ZNF462: variants seen among roughly 807,000 people sequenced by gnomAD.
The protein encoded by ZNF462 is zinc finger PBX1-interacting protein.
In ZNF462, 10 loss-of-function variants were observed where a neutral mutation model predicts 201.9. That is an observed-to-expected ratio of 0.05 (90% CI 0.03 to 0.08). ZNF462 has a LOEUF of 0.08. Among genes scored for constraint, ZNF462 ranks in the 10% least tolerant of loss-of-function variants. ZNF462 has a pLI of 1.00. For synonymous variants in ZNF462, 1,227 were observed against 1,193.3 expected, an observed-to-expected ratio of 1.03 and a Z score of -0.58; for missense variants, 2,523 against 3,168.3, an observed-to-expected ratio of 0.80 and a Z score of 4.89.
At chr9:106,982,381 C>T (rs1361734340) in intron 9 of ZNF462, among the ~76,000 whole-genome samples, 1 of 152,126 alleles carries the variant, frequency 6.6e-6, no homozygotes, top group African/African-American at 2.4e-5. Flanking sequence ...AAGGAATTAT[C>T]CTGTCCCAAA....
rs149054539 is a variant in ZNF462 at position 107,001,204 on chromosome 9, A to G, written c.7057-2090A>G. On this transcript the variant is annotated intron_variant, in intron 10 of 12. Coordinates refer to ENST00000277225, the MANE Select transcript of ZNF462 (RefSeq NM_021224.6). Reference sequence around the variant, plus strand: ...ATGTTTAAAAATTAGGCAAATTGGAACCTTGCCCACTTTTCCTGAAAAACT... The same window carrying G: ...ATGTTTAAAAATTAGGCAAATTGGAGCCTTGCCCACTTTTCCTGAAAAACT... Among the ~76,000 whole-genome samples, 5 of 152,220 alleles carry G rather than the reference A, an allele frequency of 3.3e-5. No homozygotes were observed. In the East Asian group the frequency reaches 9.7e-4, roughly 29 times the overall value.
rs1245932104 is a variant in ZNF462, at chr9:106,938,240, C to T, written c.6236-676C>T. Among the ~76,000 whole-genome samples the T allele has an allele frequency of 1.3e-5, 2 of 152,182 alleles. No homozygotes were observed. The highest frequency in any genetic ancestry group is 2.9e-5 in the Non-Finnish European group (2 of 68,032). On this transcript the variant is annotated intron_variant, in intron 6 of 12. Coordinates refer to ENST00000277225, the MANE Select transcript of ZNF462 (RefSeq NM_021224.6). The surrounding 1 kb of genome is among the most constrained non-coding windows in gnomAD (Gnocchi z 4.4). ...GAAGAATATTGGAGATAAACACACA[C>T]ACTGTACCCCCTAAACCCCCATGTT... is the stretch of plus-strand genomic sequence containing the variant.
intron 7 of ZNF462, among the ~76,000 whole-genome samples, chr9:106,948,376 A>G (rs1485044373): frequency 1.3e-5 from 2 of 152,232 alleles, no homozygotes; most frequent in Admixed American, 6.5e-5. Context: ...CTATAAGTGC[A>G]TTCAGCTAGC....
rs1280575038 is a variant in ZNF462, at chr9:106,928,044, G to A, written c.4132G>A (p.Ala1378Thr). ...CAGATGCAGGGACTGTGTTTTCGAAGCTGTTTCCATCTGGGACATCACTAA... is the reference window on the plus strand; with the variant it reads ...CAGATGCAGGGACTGTGTTTTCGAAACTGTTTCCATCTGGGACATCACTAA... ...TYRCRDCVFE[A>T]VSIWDITNHY... The change falls in exon 3 of 13, where the codon GCT becomes ACT. Residue 1378 changes from alanine (A) to threonine (T), a missense_variant. By Grantham distance (58) the Ala-to-Thr change is moderately conservative. Around this residue, in one of 15 missense-constraint regions of ZNF462, gnomAD observed 165 missense variants for 142.6 expected, o/e 1.16. Coordinates refer to ENST00000277225, the MANE Select transcript of ZNF462 (RefSeq NM_021224.6). This position sits in a 1 kb window ranked among gnomAD's most constrained non-coding sequence, Gnocchi z 9.3. 3 of 1,614,068 alleles carry A rather than the reference G, an allele frequency of 1.9e-6. No homozygotes were observed. The highest frequency in any genetic ancestry group is 2.7e-5 in the African/African-American group (2 of 74,910).
chr9:106,903,631 T>C (rs922177013), intron 1 of ZNF462, among the ~76,000 whole-genome samples: 7 of 152,208 alleles, frequency 4.6e-5, no homozygotes, highest in Non-Finnish European at 7.4e-5. Flanking sequence ...ATGTTCACAA[T>C]TGTGATATTT....
chr9:106,861,289 A>C (rs140962523), upstream of ZNF462, among the ~76,000 whole-genome samples: 1 of 152,074 alleles, frequency 6.6e-6, no homozygotes, highest in African/African-American at 2.4e-5. Context: ...AAGCCCCGCT[A>C]TCGGATGGGA....
intron 7 of ZNF462, among the ~76,000 whole-genome samples, chr9:106,941,582 G>A (rs369388554): frequency 3.3e-5 from 5 of 152,280 alleles, no homozygotes; most frequent in South Asian, 4.1e-4. Flanking sequence ...TTAGTGATCC[G>A]TACACAAAAG....
chr9:106,999,137 C>CA (rs750496111), intron 10 of ZNF462, among the ~76,000 whole-genome samples: 1 of 152,178 alleles, frequency 6.6e-6, no homozygotes, highest in Non-Finnish European at 1.5e-5. Flanking sequence ...TTCTAAATCT[C>CA]AAACTCTTAA....
In ZNF462 at chr9:106,885,725, T is replaced by A. The variant is rs990655276; in HGVS notation, c.-31+22370T>A. Among the ~76,000 whole-genome samples the A allele has an allele frequency of 2.6e-5, 4 of 152,226 alleles. No homozygotes were observed. The highest frequency in any genetic ancestry group is 5.9e-5 in the Non-Finnish European group (4 of 68,020). ...AGCATTAGGTCACCCTTTAGGCGTA[T>A]GGTGCAGAGCTCATGCTACCATCAA... On this transcript the variant is annotated intron_variant, in intron 1 of 12. Coordinates refer to ENST00000277225, the MANE Select transcript of ZNF462 (RefSeq NM_021224.6). The surrounding 1 kb of genome is among the most constrained non-coding windows in gnomAD (Gnocchi z 4.1).
chr9:106,871,376 A>C (rs1827583326), intron 1 of ZNF462, among the ~76,000 whole-genome samples: 1 of 152,206 alleles, frequency 6.6e-6, no homozygotes, highest in Non-Finnish European at 1.5e-5. Context: ...AAGTAGGCTA[A>C]AGCATTGCTG....
rs1827134673 is a variant in ZNF462, at chr9:106,863,232, CAT to C, written c.-153_-152del. ...CCATTGCTGAGACCCGGCAGAAGCA[CAT>C]GAGACTCCCAAACAACTTCCACAAC... On this transcript the variant is annotated 5_prime_UTR_variant, in exon 1 of 13. It removes an upstream start codon present in the reference 5' UTR. Transcript: ENST00000277225. The C allele has an allele frequency of 5.0e-6, 2 of 399,156 alleles. No homozygotes were observed. Among genetic ancestry groups the C allele is most frequent in the Non-Finnish European group, 8.8e-6 (2 of 226,306 alleles). 24.7% of individuals were successfully genotyped at this position (399,156 alleles called of 1,614,324 possible).
chr9:106,888,643 G>T (rs917358759), intron 1 of ZNF462, among the ~76,000 whole-genome samples: 2 of 152,158 alleles, frequency 1.3e-5, no homozygotes, highest in Non-Finnish European at 2.9e-5. Context: ...TGCCACTGTG[G>T]TCTGTTGCCA....
rs117793763 is a variant in ZNF462, at chr9:106,947,340, G to A, written c.6427+8233G>A. Among the ~76,000 whole-genome samples the A allele has an allele frequency of 8.1e-3, 1,230 of 152,292 alleles. 12 individuals carry two copies. Among genetic ancestry groups the A allele is most frequent in the Non-Finnish European group, 0.013 (897 of 68,020 alleles). ...AAACATTCTTAGATGACTCGCACAG[G>A]TCACTCACTCTCTTATGTCATCTTT... On this transcript the variant is annotated intron_variant, in intron 7 of 12. Transcript: ENST00000277225.
chr9:106,995,287 TA>T (rs1226633303), intron 10 of ZNF462, among the ~76,000 whole-genome samples: 4 of 152,184 alleles, frequency 2.6e-5, no homozygotes, highest in Admixed American at 6.6e-5. Flanking sequence ...AGAAAGTAGA[TA>T]CCTTCCTTGA....
At chr9:106,971,708 T>A (rs1826624493) in intron 7 of ZNF462, among the ~76,000 whole-genome samples, 1 of 152,184 alleles carries the variant, frequency 6.6e-6, no homozygotes, top group South Asian at 2.1e-4. Flanking sequence ...ACTTGAAATT[T>A]GTGTGGTGTA....
chr9:106,951,851 GT>G (rs113813847), intron 7 of ZNF462, among the ~76,000 whole-genome samples: 161 of 140,454 alleles, frequency 1.1e-3, no homozygotes, highest in Middle Eastern at 3.8e-3. Context: ...ACAGTGTTGT[GT>G]TTTTTTTTTT....
At chr9:106,881,354 G>T (rs1355109159) in intron 1 of ZNF462, among the ~76,000 whole-genome samples, 1 of 152,058 alleles carries the variant, frequency 6.6e-6, no homozygotes, top group Non-Finnish European at 1.5e-5. Flanking sequence ...GGTGGTGAGG[G>T]CCATGGTGTA....
At position 107,010,919 on chromosome 9, in the gene ZNF462, A is replaced by C. The variant is rs772409639; in HGVS notation, c.7410A>C (p.Glu2470Asp). 6.2e-7 allele frequency: 1 copy of C among 1,613,828 alleles called. No individual in the cohort carries two copies. Among genetic ancestry groups the C allele is most frequent in the East Asian group, 2.2e-5 (1 of 44,752 alleles). The change falls in exon 13 of 13, where the codon GAA (glutamate) becomes GAC (aspartate). Residue 2470 changes from glutamate (E) to aspartate (D), a missense_variant. Physicochemically the swap from Glu to Asp is conservative, Grantham distance 45. Around this residue, in one of 15 missense-constraint regions of ZNF462, gnomAD observed 67 missense variants for 63.2 expected, o/e 1.06. Transcript: ENST00000277225. This position sits in a 1 kb window ranked among gnomAD's most constrained non-coding sequence, Gnocchi z 4.6. Reference sequence around the variant, plus strand: ...AAATGCCCTCCATAGAGGAAAAGGAAGATGACGAGGCCATTGGGATAGACT... The same window carrying C: ...AAATGCCCTCCATAGAGGAAAAGGACGATGACGAGGCCATTGGGATAGACT... ...SVKMPSIEEK[E>D]DDEAIGIDFS...
At position 106,925,060 on chromosome 9, in the gene ZNF462, T is replaced by A; in HGVS notation, c.1148T>A (p.Leu383Gln). The A allele has an allele frequency of 6.2e-7, 1 of 1,614,178 alleles. No individual in the cohort carries two copies. Among genetic ancestry groups the A allele is most frequent in the South Asian group, 1.1e-5 (1 of 91,076 alleles). Residue 383 changes from leucine (L) to glutamine (Q), a missense_variant, in exon 3 of 13, where the codon CTA (leucine) becomes CAA (glutamine). Coordinates refer to ENST00000277225, the MANE Select transcript of ZNF462 (RefSeq NM_021224.6). The surrounding 1 kb of genome is among the most constrained non-coding windows in gnomAD (Gnocchi z 7.9). Reference sequence around the variant, plus strand: ...GCTGACCTGGAAACTAACAGCATGCTAAATGACTCTAGTTCTGATGAAGAG... The same window carrying A: ...GCTGACCTGGAAACTAACAGCATGCAAAATGACTCTAGTTCTGATGAAGAG... ...SSADLETNSMLNDSSSDEELN... is the reference protein window; with the variant it reads ...SSADLETNSMQNDSSSDEELN...
Sources: gnomAD v4.1 joint callset for allele counts (sites outside exome capture counted in the v4.1 genomes callset) on GRCh38, gnomAD v4.1.1 for gene constraint, gnomAD v4.1.1 regional missense constraint, Gnocchi (gnomAD v3.1) non-coding constraint, MANE v1.5 for transcripts, NCBI Gene and HGNC (gene_info 2026-07-23, HGNC 2026-07-21) for gene names.